Variants in IQCH observed in about 807,000 individuals in gnomAD.
IQCH encodes the protein IQ domain-containing protein H.
In IQCH, 98 loss-of-function variants were observed where a neutral mutation model predicts 117.0. The observed-to-expected ratio is 0.84, with a 90% confidence interval of 0.71 to 0.99. The LOEUF (loss-of-function observed/expected upper bound fraction) is 0.99. IQCH is among the 50% of genes least tolerant of loss of function. The pLI is 0.00. For synonymous variants in IQCH, 412 were observed against 448.2 expected (o/e 0.92, Z 1.02); for missense variants, 1,102 against 1,243.8 (o/e 0.89, Z 1.72).
At position 67,365,328 on chromosome 15, in the gene IQCH, A is replaced by G. The variant is rs1970294513; in HGVS notation, c.753+5443A>G. 6.6e-6 allele frequency among the ~76,000 whole-genome samples: 1 copy of G among 152,232 alleles called. No homozygotes were observed. The highest frequency in any genetic ancestry group is 2.1e-4 in the South Asian group (1 of 4,834). On this transcript the variant is annotated intron_variant, in intron 8 of 20. Transcript: ENST00000335894. This position sits in a 1 kb window ranked among gnomAD's most constrained non-coding sequence, Gnocchi z 4.4. ...GCATTAGTGCTCCAAAACTCAAGCT[A>G]TAAGTTTGCAAATAACTTGTATGAT...
At chr15:67,379,132 G>A (rs1425124694) in intron 10 of IQCH, among the ~76,000 whole-genome samples, 1 of 152,106 alleles carries the variant, frequency 6.6e-6, no homozygotes, top group Non-Finnish European at 1.5e-5. Flanking sequence ...AAAAATTAAT[G>A]GAACATGGTT....
At position 67,296,984 on chromosome 15, in the gene IQCH, C is replaced by T. The variant is rs973801114; in HGVS notation, c.387+17472C>T. 2.0e-5 allele frequency among the ~76,000 whole-genome samples: 3 copies of T among 152,128 alleles called. No homozygotes were observed. In the South Asian group the frequency reaches 6.2e-4, roughly 32 times the overall value. On this transcript the variant is annotated intron_variant, in intron 4 of 20. Coordinates refer to ENST00000335894, the MANE Select transcript of IQCH (RefSeq NM_001031715.3). ...CCTTCTCTTATTCTCCAATTCAACT[C>T]CTGTAGGAATGAGAAAACGGATTGG...
intron 6 of IQCH, among the ~76,000 whole-genome samples, chr15:67,355,746 C>T (rs950125164): frequency 7.9e-5 from 12 of 152,220 alleles, no homozygotes; most frequent in Admixed American, 3.9e-4. Context: ...CATTAGGATA[C>T]GGTTTTGTAA....
chr15:67,351,258 A>G (rs1370074255), intron 6 of IQCH, among the ~76,000 whole-genome samples: 3 of 149,708 alleles, frequency 2.0e-5, no homozygotes. Flanking sequence ...ACCCCCCAAC[A>G]GTCCCTGGTG....
rs1354315882 is a variant in IQCH at position 67,473,547 on chromosome 15, CTTAAA to C, written c.2677-2145_2677-2141del. ...GCATTTATCAATGGGCAGTGTCTTTCTTAAATTACATACTTTGAAGAGTCTCTTAA... is the reference window on the plus strand; with the variant it reads ...GCATTTATCAATGGGCAGTGTCTTTCTTACATACTTTGAAGAGTCTCTTAA... On this transcript the variant is annotated intron_variant, in intron 17 of 20. Coordinates refer to ENST00000335894, the MANE Select transcript of IQCH (RefSeq NM_001031715.3). The surrounding 1 kb of genome is among the most constrained non-coding windows in gnomAD (Gnocchi z 4.9). Among the ~76,000 whole-genome samples the C allele has an allele frequency of 6.6e-6, 1 of 152,236 alleles. No individual in the cohort carries two copies. The highest frequency in any genetic ancestry group is 6.5e-5 in the Admixed American group (1 of 15,286).
intron 6 of IQCH, among the ~76,000 whole-genome samples, chr15:67,351,111 T>C (rs1969640490): frequency 6.6e-6 from 1 of 152,338 alleles, no homozygotes; most frequent in South Asian, 2.1e-4. Context: ...CTGAGATACA[T>C]GTGCTGAACG....
rs57244130 is a variant in IQCH at position 67,340,426 on chromosome 15, CAAAAAAAAAAAAAAAAAAAAA to C, written c.508+3349_508+3369del. Among the ~76,000 whole-genome samples the C allele has an allele frequency of 5.0e-3, 315 of 62,660 alleles. 3 individuals are homozygous for C. The highest frequency in any genetic ancestry group is 0.019 in the African/African-American group (291 of 15,446). The allele number at this position is 62,660 out of a possible 152,430, so 41.1% of individuals were successfully genotyped here. On this transcript the variant is annotated intron_variant, in intron 5 of 20. Transcript: ENST00000335894. ...TGGGCAACAGAGAGATACTCCATCT[CAAAAAAAAAAAAAAAAAAAAA>C]AAAAAAAAAAAAAAAAACAGTAACT...
chr15:67,415,888 CT>C (rs1049008766), intron 14 of IQCH, among the ~76,000 whole-genome samples: 3 of 152,010 alleles, frequency 2.0e-5, no homozygotes, highest in South Asian at 2.1e-4. Context: ...AAAATCAAAT[CT>C]AAAAAAAATA....
At chr15:67,488,756 C>G (rs1160847099) in intron 18 of IQCH, among the ~76,000 whole-genome samples, 1 of 152,164 alleles carries the variant, frequency 6.6e-6, no homozygotes, top group East Asian at 1.9e-4. Context: ...CAACCTAGAT[C>G]CCTTGTTTGT....
Position 67,342,409 on chromosome 15 carries a change from A to G in IQCH, c.509-1654A>G, listed in dbSNP as rs766764234. 1.3e-5 allele frequency among the ~76,000 whole-genome samples: 2 copies of G among 152,128 alleles called. No homozygotes were observed. Among genetic ancestry groups the G allele is most frequent in the Admixed American group, 1.3e-4 (2 of 15,260 alleles). On this transcript the variant is annotated intron_variant, in intron 5 of 20. Transcript: ENST00000335894. This position sits in a 1 kb window ranked among gnomAD's most constrained non-coding sequence, Gnocchi z 4.7. ...CGAAAATCTTAATTTTTTCCTTCCA[A>G]TAGTAGATGGGCACACATATGTGTT...
chr15:67,452,154 C>T (rs1303452118), intron 16 of IQCH, among the ~76,000 whole-genome samples: 1 of 152,156 alleles, frequency 6.6e-6, no homozygotes, highest in East Asian at 1.9e-4. Context: ...ATACAGCACA[C>T]TGATGGGTCT....
Position 67,384,015 on chromosome 15 carries a change from T to C in IQCH, c.1373-921T>C, listed in dbSNP as rs1971027289. On this transcript the variant is annotated intron_variant, in intron 10 of 20. Transcript: ENST00000335894. The surrounding 1 kb of genome is among the most constrained non-coding windows in gnomAD (Gnocchi z 4.3). The stretch of plus-strand genomic sequence containing the variant: ...TGTGTGTCACATCTTGAAGATGTAG[T>C]ATATAAAATCACTTTATCTAGAGCA... 6.6e-6 allele frequency among the ~76,000 whole-genome samples: 1 copy of C among 152,158 alleles called. No individual in the cohort carries two copies. The highest frequency in any genetic ancestry group is 1.5e-5 in the Non-Finnish European group (1 of 68,006).
At chr15:67,378,243 GC>G (rs1323394037) in intron 10 of IQCH, among the ~76,000 whole-genome samples, 1 of 151,704 alleles carries the variant, frequency 6.6e-6, no homozygotes, top group African/African-American at 2.4e-5. Context: ...ACGCACACTG[GC>G]ACCTTTCTGC....
Position 67,390,757 on chromosome 15 carries a change from G to C in IQCH, c.1632+1751G>C, listed in dbSNP as rs1299523199. On this transcript the variant is annotated intron_variant, in intron 12 of 20. Transcript: ENST00000335894. This position sits in a 1 kb window ranked among gnomAD's most constrained non-coding sequence, Gnocchi z 5.0. ...GCCTGCCTTGGCCTCCCAAAGTGCT[G>C]GGGTTACAGGTGTGAGCCACCGCGC... Among the ~76,000 whole-genome samples, 1 of 152,170 alleles carries C rather than the reference G, an allele frequency of 6.6e-6. No homozygotes were observed. Among genetic ancestry groups the C allele is most frequent in the Non-Finnish European group, 1.5e-5 (1 of 68,034 alleles).
intron 20 of IQCH, among the ~76,000 whole-genome samples, chr15:67,499,112 C>T (rs541568614): frequency 1.3e-5 from 2 of 152,018 alleles, no homozygotes; most frequent in African/African-American, 4.8e-5. Flanking sequence ...GCCCAGGAAA[C>T]AGAGTGAGAC....
chr15:67,499,086 C>G (rs150143565), intron 20 of IQCH, among the ~76,000 whole-genome samples: 1 of 152,058 alleles, frequency 6.6e-6, no homozygotes, highest in East Asian at 1.9e-4. Context: ...CACTTGAGGC[C>G]AGGAGTTTGA....
At chr15:67,450,491 T>C (rs2082496726) in intron 16 of IQCH, among the ~76,000 whole-genome samples, 1 of 152,248 alleles carries the variant, frequency 6.6e-6, no homozygotes. Flanking sequence ...CATGTGGTTT[T>C]TGTCTTTGGT....
intron 18 of IQCH, among the ~76,000 whole-genome samples, chr15:67,477,159 T>C (rs2083225545): frequency 6.8e-6 from 1 of 147,860 alleles, no homozygotes; most frequent in African/African-American, 2.5e-5. Context: ...CAAGTGATTC[T>C]CCTGCCTCAG....
chr15:67,493,042 C>T lies in IQCH; in HGVS notation c.2862-1216C>T, dbSNP rs4776939. 0.87 allele frequency among the ~76,000 whole-genome samples: 132,381 copies of T among 152,168 alleles called. 57,660 individuals are homozygous for T. The highest frequency in any genetic ancestry group is 0.91 in the African/African-American group (37,643 of 41,522). The stretch of plus-strand genomic sequence containing the variant: ...TTGACCTGCAGGCTAGTTTCAATGG[C>T]AGAAATAGTCCTATTGGTGTACCTT... On this transcript the variant is annotated intron_variant, in intron 19 of 20. Transcript: ENST00000335894. This position sits in a 1 kb window ranked among gnomAD's most constrained non-coding sequence, Gnocchi z 5.1.
Sources: allele counts gnomAD v4.1 joint callset (sites outside exome capture counted in the v4.1 genomes callset), GRCh38; gene constraint gnomAD v4.1.1; non-coding constraint Gnocchi (gnomAD v3.1); transcripts MANE v1.5; gene names NCBI Gene and HGNC (gene_info 2026-07-23, HGNC 2026-07-21).